OR4N2: variants seen among roughly 807,000 people sequenced by gnomAD.
The protein encoded by OR4N2 is olfactory receptor 4N2.
For synonymous variants in OR4N2, 141 were observed against 140.4 expected (o/e 1.00, Z -0.03); for missense variants, 307 against 377.6 (o/e 0.81, Z 1.55).
chr14:19,816,053 T>A (rs1276275749), intron 1 of OR4N2, among the ~76,000 whole-genome samples: 1 of 152,254 alleles, frequency 6.6e-6, no homozygotes, highest in Non-Finnish European at 1.5e-5. Context: ...GTTCCATTGG[T>A]CTATAGATCT....
intron 1 of OR4N2, among the ~76,000 whole-genome samples, 185 bp from the exon 2 acceptor site, chr14:19,827,255 T>C (rs1290417535): frequency 2.6e-5 from 4 of 152,248 alleles, no homozygotes; most frequent in Admixed American, 6.5e-5. Flanking sequence ...CCATATTGTG[T>C]TTTCATTTTT....
At chr14:19,808,629 G>T (rs1879222972) in intron 1 of OR4N2, among the ~76,000 whole-genome samples, 1 of 152,170 alleles carries the variant, frequency 6.6e-6, no homozygotes. Flanking sequence ...AATCAATGTT[G>T]TTAAAATGGC....
chr14:19,828,763 T>C lies in OR4N2; in HGVS notation c.*391T>C, dbSNP rs1468637044. The C allele has an allele frequency of 2.7e-4, 53 of 194,668 alleles. No homozygotes were observed. The highest frequency in any genetic ancestry group is 5.0e-4 in the Non-Finnish European group (47 of 93,248). The allele number at this position is 194,668 out of a possible 1,614,324, so 12.1% of individuals were successfully genotyped here. A position where few individuals can be genotyped will look rare whatever the true frequency, so the allele number is the denominator to read the frequency against. The stretch of plus-strand genomic sequence containing the variant: ...ACTGAAGAAGGCAAACATGCAAACA[T>C]TTGTGGTTATAGTAATCTAGACGGA... On this transcript the variant is annotated 3_prime_UTR_variant, in exon 2 of 2. Transcript: ENST00000557677.
chr14:19,821,228 C>A (rs1405238368), intron 1 of OR4N2, among the ~76,000 whole-genome samples: 3 of 152,252 alleles, frequency 2.0e-5, no homozygotes, highest in African/African-American at 4.8e-5. Flanking sequence ...GATGCCCCAC[C>A]CTGCTTTGGC....
At chr14:19,807,933 T>C (rs1342131762) in intron 1 of OR4N2, among the ~76,000 whole-genome samples, 2 of 152,164 alleles carry the variant, frequency 1.3e-5, no homozygotes, top group Non-Finnish European at 2.9e-5. Flanking sequence ...ATTCAATGTA[T>C]GCAAATCAAT....
chr14:19,810,445 C>T (rs1879268238), intron 1 of OR4N2, among the ~76,000 whole-genome samples: 1 of 152,216 alleles, frequency 6.6e-6, no homozygotes, highest in African/African-American at 2.4e-5. Flanking sequence ...TCTCAAAGAA[C>T]TTAAAAGGGA....
At chr14:19,807,837 A>G (rs1425851467) in intron 1 of OR4N2, among the ~76,000 whole-genome samples, 1 of 152,196 alleles carries the variant, frequency 6.6e-6, no homozygotes, top group Non-Finnish European at 1.5e-5. Context: ...TATCATCAAC[A>G]AAATGTTAGC....
At chr14:19,824,094 T>TA (rs1196418647) in intron 1 of OR4N2, among the ~76,000 whole-genome samples, 1 of 152,182 alleles carries the variant, frequency 6.6e-6, no homozygotes, top group Non-Finnish European at 1.5e-5. Context: ...GGATTAGAGA[T>TA]ACAGTGAGGA....
At chr14:19,818,568 A>C (rs1429146337) in intron 1 of OR4N2, among the ~76,000 whole-genome samples, 1 of 152,176 alleles carries the variant, frequency 6.6e-6, no homozygotes, top group Non-Finnish European at 1.5e-5. Flanking sequence ...TTTTGAGCCT[A>C]TGTGTGTCTT....
intron 1 of OR4N2, among the ~76,000 whole-genome samples, chr14:19,820,065 T>C (rs1707285929): frequency 6.6e-6 from 1 of 152,262 alleles, no homozygotes; most frequent in South Asian, 2.1e-4. Flanking sequence ...GGAAGCTTTG[T>C]CCCAGAGGGG....
intron 1 of OR4N2, among the ~76,000 whole-genome samples, chr14:19,808,069 T>C (rs1409751069): frequency 6.6e-6 from 1 of 152,144 alleles, no homozygotes; most frequent in African/African-American, 2.4e-5. Context: ...AGACTAGATT[T>C]TGAAGGAATA....
chr14:19,821,115 T>C (rs1243984376), intron 1 of OR4N2, among the ~76,000 whole-genome samples: 2 of 152,380 alleles, frequency 1.3e-5, no homozygotes, highest in East Asian at 3.9e-4. Flanking sequence ...GGGAAAAGCC[T>C]AGTATCTGAA....
intron 1 of OR4N2, among the ~76,000 whole-genome samples, chr14:19,815,654 TG>T (rs1424581553): frequency 7.2e-5 from 9 of 125,540 alleles, no homozygotes; most frequent in East Asian, 4.8e-4. Context: ...GGTTTTTTTT[TG>T]TTTTTTTTTT....
chr14:19,818,398 G>T (rs185862570), intron 1 of OR4N2, among the ~76,000 whole-genome samples: 429 of 152,208 alleles, frequency 2.8e-3, no homozygotes, highest in Middle Eastern at 6.8e-3. Context: ...GGGATAGTTA[G>T]CTTTTCTTGT....
intron 1 of OR4N2, among the ~76,000 whole-genome samples, chr14:19,823,251 T>G (rs2318283): frequency 0.3 from 44,343 of 148,504 alleles, 4,479 homozygotes; most frequent in Non-Finnish European, 0.37. Context: ...TTTTTGAAAT[T>G]TGTATTCAAT....
chr14:19,817,312 G>C (rs1399784963), intron 1 of OR4N2, among the ~76,000 whole-genome samples: 1 of 152,204 alleles, frequency 6.6e-6, no homozygotes, highest in African/African-American at 2.4e-5. Flanking sequence ...CTGTGAATCT[G>C]TCTGGTCCTG....
intron 1 of OR4N2, among the ~76,000 whole-genome samples, chr14:19,821,454 A>ATT (rs1353126857): frequency 1.6e-4 from 25 of 151,868 alleles, no homozygotes; most frequent in Admixed American, 1.4e-3. Flanking sequence ...TCATATATAT[A>ATT]TATATGTATA....
chr14:19,813,610 C>T (rs1474009040), intron 1 of OR4N2, among the ~76,000 whole-genome samples: 1 of 152,220 alleles, frequency 6.6e-6, no homozygotes, highest in Non-Finnish European at 1.5e-5. Flanking sequence ...CATTTATAGA[C>T]ATTTTGGTGC....
intron 1 of OR4N2, among the ~76,000 whole-genome samples, chr14:19,821,291 G>A (rs1016622969): frequency 3.3e-5 from 5 of 152,218 alleles, no homozygotes; most frequent in Admixed American, 3.3e-4. Context: ...GAGATGAGCT[G>A]GGTACCTCAG....
Sources: gnomAD v4.1 joint callset for allele counts (sites outside exome capture counted in the v4.1 genomes callset) on GRCh38, gnomAD v4.1.1 for gene constraint, MANE v1.5 for transcripts, NCBI Gene and HGNC (gene_info 2026-07-23, HGNC 2026-07-21) for gene names.